FAAH2: variants seen among roughly 807,000 people sequenced by gnomAD.
FAAH2 encodes fatty acid amide hydrolase 2.
A neutral mutation model predicts 36.9 loss-of-function variants in FAAH2; 60 were observed. The observed-to-expected ratio is 1.63, with a 90% CI of 1.32 to 2.02. The LOEUF is 2.02. Ranked by LOEUF, FAAH2 falls within the 30% of genes most tolerant of loss-of-function variation. The pLI, the probability that FAAH2 is intolerant of heterozygous loss-of-function variation, is 0.00. For missense variants in FAAH2, 689 were observed against 397.5 expected (o/e 1.73, Z -6.23); for synonymous variants, 214 against 143.8 (o/e 1.49, Z -3.49).
chrX:57,263,923 T>C, the FAAH2 span, among the ~76,000 whole-genome samples: 3 of 111,633 alleles, frequency 2.7e-5, no homozygotes, highest in Non-Finnish European at 3.8e-5. Flanking sequence ...TTTATAAAGA[T>C]GTAAAAGCAA....
chrX:57,371,773 A>G (rs190471161), intron 5 of FAAH2, among the ~76,000 whole-genome samples: 7 of 111,504 alleles, frequency 6.3e-5, no homozygotes, highest in African/African-American at 1.3e-4. Flanking sequence ...ATAGTATCTG[A>G]TAGGTTTTCA....
chrX:57,362,737 C>G (rs2054316228), intron 5 of FAAH2, among the ~76,000 whole-genome samples: 3 of 112,071 alleles, frequency 2.7e-5, no homozygotes, highest in African/African-American at 9.7e-5. Flanking sequence ...TTTAGTCTTA[C>G]ATATGTCTAA....
intron 7 of FAAH2, chrX:57,394,313 G>A: frequency 9.7e-7 from 1 of 1,033,943 alleles, no homozygotes; most frequent in African/African-American, 1.8e-5. Context: ...GGGTGTTGGA[G>A]TTATTCCAGT....
At chrX:57,351,236 A>G (rs2053991219) in intron 5 of FAAH2, among the ~76,000 whole-genome samples, 1 of 111,694 alleles carries the variant, frequency 9.0e-6, no homozygotes, top group Non-Finnish European at 1.9e-5. Flanking sequence ...ATGTTTGTGA[A>G]TGACCATTGG....
chrX:57,133,749 G>A, the FAAH2 span, among the ~76,000 whole-genome samples: 1 of 112,154 alleles, frequency 8.9e-6, no homozygotes, highest in African/African-American at 3.2e-5. Flanking sequence ...AAAAAACCTG[G>A]CAGCTGTCTG....
chrX:57,230,101 G>A, the FAAH2 span, among the ~76,000 whole-genome samples: 38 of 111,737 alleles, frequency 3.4e-4, no homozygotes, highest in African/African-American at 1.1e-3. Flanking sequence ...ACACTATTTT[G>A]TGAATTCATG....
chrX:57,268,696 C>T, the FAAH2 span, among the ~76,000 whole-genome samples: 1 of 111,488 alleles, frequency 9.0e-6, no homozygotes, highest in Non-Finnish European at 1.9e-5. Flanking sequence ...TGTCAATATT[C>T]AATATTTTTA....
chrX:57,349,043 A>G (rs2053907138), intron 5 of FAAH2, among the ~76,000 whole-genome samples: 1 of 78,618 alleles, frequency 1.3e-5, no homozygotes, highest in Non-Finnish European at 2.5e-5. Flanking sequence ...AAAACAAATC[A>G]GTGTATAAAT....
At chrX:57,469,369 A>G (rs147096765) in intron 10 of FAAH2, among the ~76,000 whole-genome samples, 1 of 111,713 alleles carries the variant, frequency 9.0e-6, no homozygotes, top group Non-Finnish European at 1.9e-5. Flanking sequence ...ACATGCAGAG[A>G]CACACATTGG....
chrX:57,141,377 A>G, the FAAH2 span, among the ~76,000 whole-genome samples: 5 of 111,919 alleles, frequency 4.5e-5, no homozygotes, highest in Admixed American at 3.8e-4. Context: ...ATTTATTGGT[A>G]ATATTGGCGT....
At chrX:57,351,946 T>C (rs1324431871) in intron 5 of FAAH2, among the ~76,000 whole-genome samples, 1 of 96,318 alleles carries the variant, frequency 1.0e-5, no homozygotes, top group Non-Finnish European at 2.1e-5. Flanking sequence ...AAGGAGTGAA[T>C]TAATTCCAAC....
chrX:57,462,169 A>AAG lies in FAAH2; in HGVS notation c.1423+13452_1423+13453insGA, dbSNP rs1476167297. Among the ~76,000 whole-genome samples, 297 of 101,097 alleles carry AAG rather than the reference A, an allele frequency of 2.9e-3. 2 individuals carry two copies. Among genetic ancestry groups the AAG allele is most frequent in the African/African-American group, 0.01 (288 of 27,534 alleles). The allele number at this position is 101,097 out of a possible 115,157, so 87.8% of individuals were successfully genotyped here. A position where few individuals can be genotyped will look rare whatever the true frequency, so the allele number is the denominator to read the frequency against. ...AAGGCAGTAATTAATAGCCTACAAA[A>AAG]AAAAAAAAAAAAAAAAAACCCAGGA... On this transcript the variant is annotated intron_variant, in intron 10 of 10. Transcript: ENST00000374900.
chrX:57,260,071 A>T, the FAAH2 span, among the ~76,000 whole-genome samples: 1 of 111,837 alleles, frequency 8.9e-6, no homozygotes, highest in Non-Finnish European at 1.9e-5. Context: ...AACTTCAAAC[A>T]ATCATTGATA....
the FAAH2 span, among the ~76,000 whole-genome samples, chrX:57,191,722 A>G: frequency 1.8e-5 from 2 of 112,123 alleles, no homozygotes; most frequent in Non-Finnish European, 3.8e-5. Flanking sequence ...TTTTCCCAGC[A>G]CAATTTATTG....
chrX:57,151,460 C>A, the FAAH2 span, among the ~76,000 whole-genome samples: 13,481 of 111,029 alleles, frequency 0.12, 1,961 homozygotes, highest in African/African-American at 0.41. Flanking sequence ...TTGTTCATTT[C>A]TTTTTATTCT....
At chrX:57,242,231 C>A in the FAAH2 span, among the ~76,000 whole-genome samples, 3 of 112,059 alleles carry the variant, frequency 2.7e-5, no homozygotes, top group African/African-American at 9.7e-5. Flanking sequence ...TGGCAGGTGC[C>A]TCTCTGAGAC....
At chrX:57,124,363 A>G in the FAAH2 span, among the ~76,000 whole-genome samples, 1 of 111,262 alleles carries the variant, frequency 9.0e-6, no homozygotes, top group Non-Finnish European at 1.9e-5. Flanking sequence ...ATTGGTCTAT[A>G]TCTCTGTTTT....
chrX:57,405,548 C>A (rs959694145), intron 7 of FAAH2, among the ~76,000 whole-genome samples: 1 of 108,244 alleles, frequency 9.2e-6, no homozygotes, highest in Non-Finnish European at 1.9e-5. Context: ...AAGTAAGTGG[C>A]AAGTCTGCGA....
chrX:57,345,521 T>C (rs1016771551), intron 5 of FAAH2, among the ~76,000 whole-genome samples: 13 of 111,167 alleles, frequency 1.2e-4, no homozygotes, highest in South Asian at 1.1e-3. Flanking sequence ...TTTGGACTTT[T>C]TTTTTCTTTG....
Sources: gnomAD v4.1 joint callset for allele counts (sites outside exome capture counted in the v4.1 genomes callset) on GRCh38, gnomAD v4.1.1 for gene constraint, MANE v1.5 for transcripts, NCBI Gene and HGNC (gene_info 2026-07-23, HGNC 2026-07-21) for gene names.